CDK13: variants seen among roughly 807,000 people sequenced by gnomAD.
The protein encoded by CDK13 is cyclin dependent kinase 13, also known as cyclin-dependent kinase 13.
In CDK13, 40 loss-of-function variants were observed where a neutral mutation model predicts 137.6. The ratio of observed to expected loss-of-function variants is 0.29; its 90% confidence interval spans 0.23 to 0.38. The LOEUF is 0.38. CDK13 is among the 10% of genes least tolerant of loss of function. The pLI, the probability that CDK13 is intolerant of heterozygous loss-of-function variation, is 1.00. For missense variants in CDK13, 1,704 were observed against 1,951.8 expected (o/e 0.87, Z 2.39); for synonymous variants, 869 against 760.1 (o/e 1.14, Z -2.36).
At chr7:39,972,343 C>CT (rs1314248442) in intron 1 of CDK13, among the ~76,000 whole-genome samples, 18 of 152,176 alleles carry the variant, frequency 1.2e-4, no homozygotes, top group Non-Finnish European at 2.5e-4. Context: ...ATTTCACATA[C>CT]TGTACAGTTA....
chr7:40,026,687 G>C (rs2150501135), intron 5 of CDK13, among the ~76,000 whole-genome samples: 1 of 152,274 alleles, frequency 6.6e-6, no homozygotes, highest in African/African-American at 2.4e-5. Context: ...CTGTTGGAAA[G>C]GCAGATGGTA....
intron 5 of CDK13, among the ~76,000 whole-genome samples, chr7:40,036,178 AC>A (rs1342210887): frequency 1.3e-4 from 15 of 117,392 alleles, no homozygotes; most frequent in African/African-American, 1.2e-3. Flanking sequence ...TAAATTACAC[AC>A]ACACACACAC....
At chr7:39,962,034 CATT>C (rs1212952799) in intron 1 of CDK13, among the ~76,000 whole-genome samples, 1 of 152,176 alleles carries the variant, frequency 6.6e-6, no homozygotes, top group Non-Finnish European at 1.5e-5. Flanking sequence ...TCCAGTCTAT[CATT>C]GTTGGACATT....
intron 1 of CDK13, among the ~76,000 whole-genome samples, chr7:39,969,876 T>C (rs1175120918): frequency 6.6e-6 from 1 of 152,214 alleles, no homozygotes; most frequent in Non-Finnish European, 1.5e-5. Flanking sequence ...TTGTAAGAAT[T>C]CTGTGTATAT....
At chr7:39,978,185 A>G (rs1427360214) in intron 1 of CDK13, among the ~76,000 whole-genome samples, 6 of 152,182 alleles carry the variant, frequency 3.9e-5, no homozygotes, top group Non-Finnish European at 5.9e-5. Flanking sequence ...GGGAGAATGA[A>G]TATAGGAAGG....
At chr7:40,080,195 C>T (rs1786636432) in intron 11 of CDK13, among the ~76,000 whole-genome samples, 1 of 152,068 alleles carries the variant, frequency 6.6e-6, no homozygotes, top group Non-Finnish European at 1.5e-5. Context: ...ACCATGTTGG[C>T]CAGGCTGGTC....
intron 5 of CDK13, among the ~76,000 whole-genome samples, chr7:40,035,898 C>A (rs1785471782): frequency 6.6e-6 from 1 of 151,302 alleles, no homozygotes; most frequent in African/African-American, 2.4e-5. Flanking sequence ...ACCTTGGCTT[C>A]CACCCGTAAT....
At chr7:40,027,033 C>T (rs536782743) in intron 5 of CDK13, among the ~76,000 whole-genome samples, 4 of 152,160 alleles carry the variant, frequency 2.6e-5, no homozygotes, top group South Asian at 2.1e-4. Flanking sequence ...AAAAGACAAG[C>T]GAAATTATTT....
chr7:40,085,049 C>T (rs1191564284), intron 11 of CDK13, among the ~76,000 whole-genome samples: 1 of 152,062 alleles, frequency 6.6e-6, no homozygotes, highest in African/African-American at 2.4e-5. Context: ...GTATTAAGAT[C>T]ATCCATAAAG....
At chr7:40,001,228 T>G (rs1784678618) in intron 4 of CDK13, among the ~76,000 whole-genome samples, 1 of 151,908 alleles carries the variant, frequency 6.6e-6, no homozygotes, top group African/African-American at 2.4e-5. Context: ...TTTTTTTTTT[T>G]TTTTTGAGAC....
At chr7:39,965,986 A>C (rs1446954964) in intron 1 of CDK13, among the ~76,000 whole-genome samples, 6 of 152,192 alleles carry the variant, frequency 3.9e-5, no homozygotes, top group East Asian at 1.9e-4. Flanking sequence ...CTGAGAGATC[A>C]GCTGTTAGTC....
intron 7 of CDK13, among the ~76,000 whole-genome samples, chr7:40,055,648 G>C (rs1468780408): frequency 6.7e-6 from 1 of 149,562 alleles, no homozygotes; most frequent in African/African-American, 2.5e-5. Context: ...GTGTCATCTA[G>C]GTTCACTGCA....
At chr7:40,063,798 C>T (rs567076596) in intron 9 of CDK13, among the ~76,000 whole-genome samples, 26 of 151,938 alleles carry the variant, frequency 1.7e-4, no homozygotes, top group Admixed American at 3.9e-4. Flanking sequence ...GCTCAGATTA[C>T]GGGTGCCCAC....
At chr7:40,057,349 T>A (rs1786043312) in intron 7 of CDK13, among the ~76,000 whole-genome samples, 1 of 152,194 alleles carries the variant, frequency 6.6e-6, no homozygotes, top group Non-Finnish European at 1.5e-5. Context: ...ACTGCTTCAA[T>A]ACAGCTATTC....
intron 1 of CDK13, among the ~76,000 whole-genome samples, chr7:39,964,437 A>G (rs961004615): frequency 6.6e-6 from 1 of 152,050 alleles, no homozygotes; most frequent in Non-Finnish European, 1.5e-5. Context: ...CCCTGATGGT[A>G]GTTTGTATTT....
At chr7:40,014,934 C>T (rs1402222225) in intron 5 of CDK13, among the ~76,000 whole-genome samples, 1 of 151,872 alleles carries the variant, frequency 6.6e-6, no homozygotes, top group African/African-American at 2.4e-5. Context: ...CAGTGTTTTT[C>T]TTATGTTAGT....
intron 9 of CDK13, chr7:40,073,278 A>G (rs1490243269): frequency 6.6e-6 from 1 of 152,238 alleles, no homozygotes; most frequent in Non-Finnish European, 1.5e-5. Flanking sequence ...TATACCTGGA[A>G]TACCTCAAAG....
intron 7 of CDK13, among the ~76,000 whole-genome samples, chr7:40,056,583 C>A (rs1786024560): frequency 6.6e-6 from 1 of 152,190 alleles, no homozygotes; most frequent in African/African-American, 2.4e-5. Flanking sequence ...ATAACATATT[C>A]ATGTTTCATT....
chr7:39,988,739 T>C (rs796348672), intron 2 of CDK13, among the ~76,000 whole-genome samples: 2 of 151,978 alleles, frequency 1.3e-5, no homozygotes, highest in South Asian at 2.1e-4. Context: ...TAAAAAAAAA[T>C]TTTTTTAGCC....
Sources: allele counts gnomAD v4.1 joint callset (sites outside exome capture counted in the v4.1 genomes callset), GRCh38; gene constraint gnomAD v4.1.1; transcripts MANE v1.5; gene names NCBI Gene and HGNC (gene_info 2026-07-23, HGNC 2026-07-21).